CLK3: variants seen among roughly 807,000 people sequenced by gnomAD.
CLK3 encodes the protein dual specificity protein kinase CLK3.
Under a neutral mutation model 65.2 loss-of-function variants are expected in CLK3, and 24 were observed. The observed-to-expected ratio is 0.37, with a 90% CI of 0.27 to 0.52. The LOEUF (loss-of-function observed/expected upper bound fraction) is 0.52. Ranked by LOEUF, CLK3 falls within the 20% of genes least tolerant of loss-of-function variation. The probability of loss-of-function intolerance (pLI) is 0.92; values close to 1 mark genes in which losing one functional copy is unlikely to be tolerated. For synonymous variants in CLK3, 252 were observed against 240.8 expected (o/e 1.05, Z -0.43); for missense variants, 506 against 660.0 (o/e 0.77, Z 2.56).
upstream of CLK3, chr15:74,615,674 A>G: frequency 8.0e-7 from 1 of 1,245,730 alleles, no homozygotes; most frequent in East Asian, 3.2e-5. Flanking sequence ...TCCCGGAACT[A>G]GTCTCCTAGG....
At position 74,621,911 on chromosome 15, in the gene CLK3, A is replaced by T. The variant is rs1237076625; in HGVS notation, c.370-209A>T. ...TTTTTACTTTTCTGTTTTTGAAGTC[A>T]GTTTGTGTCTTGACGTGTCCCTTGC... On this transcript the variant is annotated intron_variant, in intron 3 of 12. Transcript: ENST00000395066. The surrounding 1 kb of genome is among the most constrained non-coding windows in gnomAD (Gnocchi z 4.8). 1 of 630,812 alleles carries T rather than the reference A, an allele frequency of 1.6e-6. No homozygotes were observed. The highest frequency in any genetic ancestry group is 3.0e-6 in the Non-Finnish European group (1 of 337,618). 39.1% of individuals were successfully genotyped at this position (630,812 alleles called of 1,614,324 possible).
At position 74,627,143 on chromosome 15, in the gene CLK3, C is replaced by CTAT; in HGVS notation, c.818-207_818-206insTTA. 1.5e-6 allele frequency: 1 copy of CTAT among 682,552 alleles called. No homozygotes were observed. The highest frequency in any genetic ancestry group is 2.0e-5 in the Admixed American group (1 of 49,308). The allele number at this position is 682,552 out of a possible 1,614,324, so 42.3% of individuals were successfully genotyped here. On this transcript the variant is annotated intron_variant, in intron 7 of 12. Coordinates refer to ENST00000395066, the MANE Select transcript of CLK3 (RefSeq NM_001130028.2). The surrounding 1 kb of genome is among the most constrained non-coding windows in gnomAD (Gnocchi z 4.3). ...GGCAAATTTCTTTCCTACCCCCCTG[C>CTAT]TAAAGTATCAGAACCCTCCAAGGCC...
intron 12 of CLK3, 198 bp from the exon 13 acceptor site, chr15:74,629,509 G>C (rs182178686): frequency 1.7e-6 from 1 of 594,630 alleles, no homozygotes; most frequent in African/African-American, 1.9e-5. Flanking sequence ...TAGTAGCCTG[G>C]CAAGTTCCGA....
chr15:74,615,789 C>T (rs777276424), upstream of CLK3: 3 of 1,243,852 alleles, frequency 2.4e-6, no homozygotes, highest in East Asian at 3.1e-5. Flanking sequence ...CTGGCGACGG[C>T]TGCGTCACGC....
At chr15:74,613,036 T>C (rs1354155092), upstream of CLK3, among the ~76,000 whole-genome samples, 4 of 151,832 alleles carry the variant, frequency 2.6e-5, no homozygotes, top group South Asian at 8.3e-4. Flanking sequence ...TCCAGGGAGG[T>C]GACCCTGGGG....
chr15:74,620,358 G>C (rs1814672345), intron 3 of CLK3, 133 bp downstream of exon 3: 1 of 1,247,030 alleles, frequency 8.0e-7, no homozygotes, highest in Admixed American at 2.0e-5. Context: ...ATGTGTGTGT[G>C]TATGTGTTGT....
rs780907715 is a variant in CLK3, at chr15:74,620,017, G to A, written c.161G>A (p.Arg54His). Residue 54 changes from arginine to histidine, a missense_variant, in exon 3 of 13, where the codon CGC (arginine) becomes CAC (histidine). By Grantham distance (29) the Arg-to-His change is conservative. Transcript: ENST00000395066. ...PRRSRSRSHD[R>H]LPYQRRYRER... The stretch of plus-strand genomic sequence containing the variant: ...CATCCCCCTTTTGGCAGCCATGACC[G>A]CCTGCCCTACCAGAGGAGGTACCGG... 19 of 1,614,064 alleles carry A rather than the reference G, an allele frequency of 1.2e-5. No individual in the cohort carries two copies. Among genetic ancestry groups the A allele is most frequent in the Admixed American group, 8.3e-5 (5 of 60,024 alleles).
chr15:74,615,464 C>T (rs970659285), upstream of CLK3: 7 of 1,313,464 alleles, frequency 5.3e-6, no homozygotes, highest in Non-Finnish European at 6.8e-6. Context: ...AATGCCCGTC[C>T]TCTCCGCGCG....
Position 74,617,592 on chromosome 15 carries a change from G to C in CLK3, c.1-1605G>C, listed in dbSNP as rs574610107. 1.1e-4 allele frequency among the ~76,000 whole-genome samples: 16 copies of C among 152,346 alleles called. No individual in the cohort carries two copies. In the South Asian group the frequency reaches 3.3e-3, roughly 32 times the overall value. ...GACATCTATATGACTCTGAAATTTTGTTTTCCATTGATGTGAATATGTATG... is the reference window on the plus strand; with the variant it reads ...GACATCTATATGACTCTGAAATTTTCTTTTCCATTGATGTGAATATGTATG... On this transcript the variant is annotated intron_variant, in intron 1 of 12. Coordinates refer to ENST00000395066, the MANE Select transcript of CLK3 (RefSeq NM_001130028.2).
At position 74,624,784 on chromosome 15, in the gene CLK3, C is replaced by T. The variant is rs2062130830; in HGVS notation, c.534-118C>T. On this transcript the variant is annotated intron_variant, in intron 5 of 12. Coordinates refer to ENST00000395066, the MANE Select transcript of CLK3 (RefSeq NM_001130028.2). The surrounding 1 kb of genome is among the most constrained non-coding windows in gnomAD (Gnocchi z 4.2). ...AGGCTGGGCATCCAGTATCTGCTCTCTTCAGTGCCGGCTGCTCCTGGAGTG... is the reference window on the plus strand; with the variant it reads ...AGGCTGGGCATCCAGTATCTGCTCTTTTCAGTGCCGGCTGCTCCTGGAGTG... 2 of 739,282 alleles carry T rather than the reference C, an allele frequency of 2.7e-6. No individual in the cohort carries two copies. The highest frequency in any genetic ancestry group is 2.1e-5 in the Admixed American group (1 of 48,220). The allele number at this position is 739,282 out of a possible 1,614,324, so 45.8% of individuals were successfully genotyped here.
rs1215801560 is a variant in CLK3, at chr15:74,624,721, T to G, written c.534-181T>G. ...ATTAACTCACAGATCTCAGGGAGCT[T>G]GCTGTTGGGTGGGCAAAGGTCTGGT... On this transcript the variant is annotated intron_variant, in intron 5 of 12. Coordinates refer to ENST00000395066, the MANE Select transcript of CLK3 (RefSeq NM_001130028.2). The surrounding 1 kb of genome is among the most constrained non-coding windows in gnomAD (Gnocchi z 4.2). The G allele has an allele frequency of 1.6e-6, 1 of 607,138 alleles. No individual in the cohort carries two copies. The highest frequency in any genetic ancestry group is 2.8e-5 in the Admixed American group (1 of 35,146). The allele number at this position is 607,138 out of a possible 1,614,324, so 37.6% of individuals were successfully genotyped here. A position where few individuals can be genotyped will look rare whatever the true frequency, so the allele number is the denominator to read the frequency against.
At position 74,619,999 on chromosome 15, in the gene CLK3, C is replaced by G. The variant is rs763804384; in HGVS notation, c.153-10C>G. The G allele has an allele frequency of 3.1e-6, 5 of 1,614,014 alleles. No homozygotes were observed. The highest frequency in any genetic ancestry group is 4.2e-6 in the Non-Finnish European group (5 of 1,179,948). ...CCAGCTGACCAGCGTCCCCATCCCC[C>G]TTTTGGCAGCCATGACCGCCTGCCC... On this transcript the variant is annotated splice_polypyrimidine_tract_variant and intron_variant, in intron 2 of 12. Coordinates refer to ENST00000395066, the MANE Select transcript of CLK3 (RefSeq NM_001130028.2).
chr15:74,615,471 C>G (rs545084210), upstream of CLK3: 5 of 1,315,236 alleles, frequency 3.8e-6, no homozygotes, highest in East Asian at 3.1e-5. Flanking sequence ...GTCCTCTCCG[C>G]GCGCAGGAGG....
rs2062052278 is a variant in CLK3, at chr15:74,615,851, G to C, written c.-48G>C. 1 of 1,254,758 alleles carries C rather than the reference G, an allele frequency of 8.0e-7. No homozygotes were observed. The highest frequency in any genetic ancestry group is 1.0e-6 in the Non-Finnish European group (1 of 999,450). 77.7% of individuals were successfully genotyped at this position (1,254,758 alleles called of 1,614,324 possible). A position where few individuals can be genotyped will look rare whatever the true frequency, so the allele number is the denominator to read the frequency against. On this transcript the variant is annotated 5_prime_UTR_variant, in exon 1 of 13. Transcript: ENST00000395066. ...GGTCGCAGCCGGAAGCGGAAGAGGC[G>C]CTCGGAGCGGGGAGTGGGGCCTAGC...
At position 74,627,321 on chromosome 15, in the gene CLK3, C is replaced by T; in HGVS notation, c.818-31C>T. On this transcript the variant is annotated intron_variant, in intron 7 of 12. Transcript: ENST00000395066. The surrounding 1 kb of genome is among the most constrained non-coding windows in gnomAD (Gnocchi z 4.3). ...TGGCAGGAGAGCCAGCTTCTCAGTG[C>T]CTACTTCCCCTTCTTTCCCTGCTAC... The T allele has an allele frequency of 6.4e-7, 1 of 1,570,970 alleles. No individual in the cohort carries two copies. The highest frequency in any genetic ancestry group is 8.8e-7 in the Non-Finnish European group (1 of 1,140,840).
At chr15:74,615,548 C>T (rs1596284425), upstream of CLK3, 1 of 1,277,838 alleles carries the variant, frequency 7.8e-7, no homozygotes, top group Non-Finnish European at 9.9e-7. Context: ...GTCGGGGCCC[C>T]ACCTCTCGGC....
At position 74,627,339 on chromosome 15, in the gene CLK3, C is replaced by A; in HGVS notation, c.818-13C>A. 1 of 1,608,308 alleles carries A rather than the reference C, an allele frequency of 6.2e-7. No homozygotes were observed. The highest frequency in any genetic ancestry group is 8.5e-7 in the Non-Finnish European group (1 of 1,174,730). ...CTCAGTGCCTACTTCCCCTTCTTTC[C>A]CTGCTACCTTAGTTCTGCATGAGAA... On this transcript the variant is annotated splice_polypyrimidine_tract_variant and intron_variant, in intron 7 of 12. Coordinates refer to ENST00000395066, the MANE Select transcript of CLK3 (RefSeq NM_001130028.2). The surrounding 1 kb of genome is among the most constrained non-coding windows in gnomAD (Gnocchi z 4.3).
intron 1 of CLK3, among the ~76,000 whole-genome samples, chr15:74,616,994 C>CA (rs1218520272): frequency 1.3e-5 from 2 of 152,180 alleles, no homozygotes; most frequent in Non-Finnish European, 2.9e-5. Flanking sequence ...TTTCGAGAAT[C>CA]AGAGATAATT....
At chr15:74,611,506 G>A (rs530988561), upstream of CLK3, among the ~76,000 whole-genome samples, 4 of 152,356 alleles carry the variant, frequency 2.6e-5, no homozygotes, top group South Asian at 8.3e-4. Context: ...GCCCGAAGAC[G>A]GCTTGCCAGC....
Sources: allele counts gnomAD v4.1 joint callset (sites outside exome capture counted in the v4.1 genomes callset), GRCh38; gene constraint gnomAD v4.1.1; non-coding constraint Gnocchi (gnomAD v3.1); transcripts MANE v1.5; gene names NCBI Gene and HGNC (gene_info 2026-07-23, HGNC 2026-07-21).